The following TRIM9 variants were observed in gnomAD, a reference collection of about 807,000 sequenced individuals.
TRIM9 encodes the protein tripartite motif containing 9, also known as E3 ubiquitin-protein ligase TRIM9.
In TRIM9, 26 loss-of-function variants were observed where a neutral mutation model predicts 78.3. The ratio of observed to expected loss-of-function variants is 0.33; its 90% CI spans 0.24 to 0.46. The LOEUF (loss-of-function observed/expected upper bound fraction) is 0.46, where lower values mean the gene tolerates loss of function less well. TRIM9 is among the 20% of genes least tolerant of loss of function. The pLI is 1.00. For missense variants in TRIM9, 787 were observed against 1,036.4 expected, an observed-to-expected ratio of 0.76 and a Z score of 3.30; for synonymous variants, 398 against 416.5, an observed-to-expected ratio of 0.96 and a Z score of 0.54.
intron 7 of TRIM9, among the ~76,000 whole-genome samples, chr14:50,991,476 T>C (rs1376251186): frequency 6.6e-6 from 1 of 152,198 alleles, no homozygotes; most frequent in Non-Finnish European, 1.5e-5. Context: ...TGGAAATGCA[T>C]ATTCTTCTAA....
chr14:50,983,102 GCTCT>G, intron 9 of TRIM9, 137 bp from the exon 10 acceptor site: 1 of 836,440 alleles, frequency 1.2e-6, no homozygotes, highest in Non-Finnish European at 1.9e-6. Context: ...CTAAACAGGT[GCTCT>G]CTGACTTGTA....
chr14:51,035,301 TTAAA>T (rs1356093559), intron 1 of TRIM9, among the ~76,000 whole-genome samples: 1 of 152,204 alleles, frequency 6.6e-6, no homozygotes. Flanking sequence ...AAGTCATTTC[TTAAA>T]TAAAAAAGCC....
intron 1 of TRIM9, 113 bp from the exon 2 acceptor site, chr14:51,025,473 G>T: frequency 2.2e-6 from 2 of 907,888 alleles, no homozygotes; most frequent in Non-Finnish European, 3.4e-6. Context: ...CTTGTCTGAG[G>T]TTGGACCTTT....
chr14:50,987,125 G>A (rs1378486636), intron 7 of TRIM9, among the ~76,000 whole-genome samples: 3 of 152,166 alleles, frequency 2.0e-5, no homozygotes, highest in Admixed American at 2.0e-4. Context: ...ACAGATGGTA[G>A]GAAGGTAATA....
At chr14:50,986,502 A>G (rs1176347538) in intron 7 of TRIM9, 1 of 162,736 alleles carries the variant, frequency 6.1e-6, no homozygotes, top group Non-Finnish European at 1.3e-5. Context: ...ATATTATTTT[A>G]CCCCCTTCAG....
At chr14:51,034,248 A>C (rs895352639) in intron 1 of TRIM9, among the ~76,000 whole-genome samples, 2 of 152,170 alleles carry the variant, frequency 1.3e-5, no homozygotes, top group Admixed American at 6.5e-5. Flanking sequence ...TTTAACACAC[A>C]CTTAGATAGC....
At chr14:51,082,408 G>A (rs574657824) in intron 1 of TRIM9, among the ~76,000 whole-genome samples, 99 of 152,250 alleles carry the variant, frequency 6.5e-4, no homozygotes, top group Non-Finnish European at 1.3e-3. Context: ...AATACAATAG[G>A]ATATTAGTAC....
chr14:51,002,779 G>A (rs561002618), intron 5 of TRIM9, among the ~76,000 whole-genome samples: 11 of 152,310 alleles, frequency 7.2e-5, no homozygotes, highest in African/African-American at 1.2e-4. Flanking sequence ...GTCAATTGTC[G>A]TATACTTAAG....
chr14:50,979,213 C>T lies in TRIM9; in HGVS notation c.2325+174G>A, dbSNP rs114978809. The T allele has an allele frequency of 5.6e-4, 823 of 1,461,118 alleles. 4 individuals carry two copies. In the African/African-American group the frequency reaches 0.01, roughly 18 times the overall value. 90.5% of individuals were successfully genotyped at this position (1,461,118 alleles called of 1,614,324 possible). On this transcript the variant is annotated intron_variant, in intron 12 of 12. Transcript: ENST00000684578. ...GTATAAAGAAGGTGCTTATGCTTGGCGTGGAATAAAATAAGTTGCCAGTGC... is the reference window on the plus strand; with the variant it reads ...GTATAAAGAAGGTGCTTATGCTTGGTGTGGAATAAAATAAGTTGCCAGTGC...
chr14:51,051,117 A>G (rs1174351394), intron 1 of TRIM9, among the ~76,000 whole-genome samples: 2 of 152,222 alleles, frequency 1.3e-5, no homozygotes, highest in African/African-American at 4.8e-5. Flanking sequence ...AGCATGATGA[A>G]AAGTCATTGC....
intron 1 of TRIM9, among the ~76,000 whole-genome samples, chr14:51,035,972 T>G (rs2059112043): frequency 6.6e-6 from 1 of 152,358 alleles, no homozygotes; most frequent in Middle Eastern, 3.4e-3. Context: ...TCTTTGCCAC[T>G]GTATTAGTTT....
intron 1 of TRIM9, among the ~76,000 whole-genome samples, chr14:51,054,901 C>T (rs2060773154): frequency 6.6e-6 from 1 of 150,560 alleles, no homozygotes; most frequent in Non-Finnish European, 1.5e-5. Context: ...GCTATCTTGG[C>T]TCACTGCAAC....
chr14:51,093,353 G>A (rs899894868), intron 1 of TRIM9, among the ~76,000 whole-genome samples: 7 of 152,222 alleles, frequency 4.6e-5, no homozygotes, highest in African/African-American at 1.7e-4. Context: ...TGTATAGTTG[G>A]GAGGAGAAGG....
intron 3 of TRIM9, among the ~76,000 whole-genome samples, chr14:51,020,550 C>T (rs1004286425): frequency 2.0e-4 from 31 of 152,302 alleles, no homozygotes; most frequent in African/African-American, 5.8e-4. Context: ...CAAATGCATC[C>T]GCATTCCCTG....
At chr14:50,992,395 T>G (rs972561303) in intron 7 of TRIM9, among the ~76,000 whole-genome samples, 1 of 150,060 alleles carries the variant, frequency 6.7e-6, no homozygotes, top group African/African-American at 2.5e-5. Context: ...CTGGGCAACA[T>G]AGTGAGACCC....
chr14:51,080,586 T>C (rs1330184230), intron 1 of TRIM9, among the ~76,000 whole-genome samples: 1 of 152,194 alleles, frequency 6.6e-6, no homozygotes. Context: ...GGTGATTTAA[T>C]GTTCTGGGAT....
intron 1 of TRIM9, among the ~76,000 whole-genome samples, chr14:51,031,073 G>C (rs547490336): frequency 6.8e-6 from 1 of 146,458 alleles, no homozygotes; most frequent in South Asian, 2.1e-4. Flanking sequence ...GCTTGAACCT[G>C]AGAGGCGGAG....
rs377371893 is a variant in TRIM9, at chr14:51,094,175, C to T, written c.765G>A (p.Glu255=). 7.4e-6 allele frequency: 12 copies of T among 1,614,134 alleles called. No individual in the cohort carries two copies. The highest frequency in any genetic ancestry group is 1.0e-5 in the Non-Finnish European group (12 of 1,180,042). ...TGACTTCGTGGCTGGAGTGTTTGCC[C>T]TCCTCCAAGCACTGGTAGCACACGG... The part of the protein sequence containing the change: ...KMPVCYQCLE[E]GKHSSHEVKA... Residue 255 remains glutamate, a synonymous_variant, in exon 1 of 13, where the codon GAG becomes GAA. Coordinates refer to ENST00000684578, the MANE Select transcript of TRIM9 (RefSeq NM_001387360.1).
intron 3 of TRIM9, among the ~76,000 whole-genome samples, chr14:51,019,100 A>G (rs912083480): frequency 4.6e-5 from 7 of 152,244 alleles, no homozygotes; most frequent in Non-Finnish European, 2.9e-5. Flanking sequence ...GTGTTGTCAT[A>G]AATTCCCTGT....
Sources: gnomAD v4.1 joint callset for allele counts (sites outside exome capture counted in the v4.1 genomes callset) on GRCh38, gnomAD v4.1.1 for gene constraint, MANE v1.5 for transcripts, NCBI Gene and HGNC (gene_info 2026-07-23, HGNC 2026-07-21) for gene names.